The following TNKS variants were observed in gnomAD, a reference collection of about 807,000 sequenced individuals.
TNKS encodes the protein tankyrase, also known as poly [ADP-ribose] polymerase tankyrase-1.
Under a neutral mutation model 135.8 loss-of-function variants are expected in TNKS, and 72 were observed. That is an observed-to-expected ratio of 0.53 (90% CI 0.44 to 0.64). TNKS has a LOEUF of 0.64. TNKS is among the 30% of genes least tolerant of loss of function. The pLI is 0.00. For missense variants in TNKS, 1,769 were observed against 1,674.0 expected, an observed-to-expected ratio of 1.06 and a Z score of -0.99; for synonymous variants, 849 against 649.3, an observed-to-expected ratio of 1.31 and a Z score of -4.68.
In TNKS at chr8:9,623,959, G is replaced by A. The variant is rs549345582; in HGVS notation, c.994+8282G>A. On this transcript the variant is annotated intron_variant, in intron 3 of 26. Transcript: ENST00000310430. ...AGAAGTTGCAGTGAACCGAGATCAT[G>A]CCACTGTACTCCAGTCTGGGTGACA... 5.3e-5 allele frequency among the ~76,000 whole-genome samples: 8 copies of A among 152,220 alleles called. No individual in the cohort carries two copies. In the East Asian group the frequency reaches 1.5e-3, roughly 29 times the overall value.
chr8:9,615,510 C>G lies in TNKS; in HGVS notation c.899-72C>G. The G allele has an allele frequency of 3.1e-6, 4 of 1,282,454 alleles. No individual in the cohort carries two copies. In the Admixed American group the frequency reaches 8.9e-5, roughly 28 times the overall value. The allele number at this position is 1,282,454 out of a possible 1,614,324, so 79.4% of individuals were successfully genotyped here. On this transcript the variant is annotated intron_variant, in intron 2 of 26. Coordinates refer to ENST00000310430, the MANE Select transcript of TNKS (RefSeq NM_003747.3). ...ATGTATGTTTATGCCTACACCATGCCGAGACGACACTTACCAGTAAATAAT... is the reference window on the plus strand; with the variant it reads ...ATGTATGTTTATGCCTACACCATGCGGAGACGACACTTACCAGTAAATAAT...
chr8:9,665,426 C>T (rs1466986225), intron 3 of TNKS, among the ~76,000 whole-genome samples: 1 of 152,190 alleles, frequency 6.6e-6, no homozygotes, highest in African/African-American at 2.4e-5. Context: ...TTTACTTTTT[C>T]TGTTTTTTAT....
At position 9,779,265 on chromosome 8, in the gene TNKS, CT is replaced by C. The variant is rs1808365149; in HGVS notation, c.*2530del. 1 of 152,602 alleles carries C rather than the reference CT, an allele frequency of 6.6e-6. No individual in the cohort carries two copies. The highest frequency in any genetic ancestry group is 1.5e-5 in the Non-Finnish European group (1 of 68,026). 9.5% of individuals were successfully genotyped at this position (152,602 alleles called of 1,614,324 possible). ...AGTTTATTACATTTGGGATTTTCAT[CT>C]GTAGCCGTATGAAGAACCCTTTCCA... is the stretch of plus-strand genomic sequence containing the variant. On this transcript the variant is annotated 3_prime_UTR_variant, in exon 27 of 27. Coordinates refer to ENST00000310430, the MANE Select transcript of TNKS (RefSeq NM_003747.3).
In TNKS at chr8:9,748,103, A is replaced by G; in HGVS notation, c.2723A>G (p.His908Arg). 6.2e-7 allele frequency: 1 copy of G among 1,614,194 alleles called. No homozygotes were observed. The highest frequency in any genetic ancestry group is 8.5e-7 in the Non-Finnish European group (1 of 1,180,036). The change falls in exon 18 of 27, where the codon CAT becomes CGT. Residue 908 changes from histidine to arginine, a missense_variant. Transcript: ENST00000310430. ...ATDKWAFTPL[H>R]EAAQKGRTQL... is the part of the protein sequence containing the mutation. Reference sequence around the variant, plus strand: ...GATAAGTGGGCGTTTACTCCCCTCCATGAAGCAGCCCAGAAAGGAAGGACG... The same window carrying G: ...GATAAGTGGGCGTTTACTCCCCTCCGTGAAGCAGCCCAGAAAGGAAGGACG...
At chr8:9,558,636 T>G (rs1224780779) in intron 1 of TNKS, 1 of 152,208 alleles carries the variant, frequency 6.6e-6, no homozygotes, top group African/African-American at 2.4e-5. Context: ...TCACGTGTCT[T>G]CTATTTGCCA....
chr8:9,580,859 G>C (rs1798138371), intron 2 of TNKS, among the ~76,000 whole-genome samples: 1 of 152,112 alleles, frequency 6.6e-6, no homozygotes, highest in South Asian at 2.1e-4. Flanking sequence ...ATGTGCCATA[G>C]TCTAGAGAAA....
chr8:9,733,865 G>A (rs1052365272), intron 15 of TNKS, among the ~76,000 whole-genome samples: 5 of 151,924 alleles, frequency 3.3e-5, no homozygotes, highest in African/African-American at 1.2e-4. Flanking sequence ...AGAACTTATT[G>A]TAGTATCAGA....
chr8:9,770,338 G>T lies in TNKS; in HGVS notation c.3897+76G>T, dbSNP rs116527332. The T allele has an allele frequency of 5.7e-4, 826 of 1,442,676 alleles. 7 individuals are homozygous for T. In the African/African-American group the frequency reaches 0.01, roughly 18 times the overall value. 89.4% of individuals were successfully genotyped at this position (1,442,676 alleles called of 1,614,324 possible). ...AGCACAGAGACCGTGTAAGACTTGAGACACTTTTCAGTGAAATATCCACCA... is the reference window on the plus strand; with the variant it reads ...AGCACAGAGACCGTGTAAGACTTGATACACTTTTCAGTGAAATATCCACCA... On this transcript the variant is annotated intron_variant, in intron 26 of 26. Coordinates refer to ENST00000310430, the MANE Select transcript of TNKS (RefSeq NM_003747.3).
At chr8:9,672,019 A>G (rs1219277485) in intron 3 of TNKS, among the ~76,000 whole-genome samples, 1 of 152,178 alleles carries the variant, frequency 6.6e-6, no homozygotes, top group East Asian at 1.9e-4. Context: ...TCTGCCCGTT[A>G]GGCACTTCGT....
At chr8:9,767,865 A>T (rs1253359133) in intron 25 of TNKS, among the ~76,000 whole-genome samples, 1 of 151,178 alleles carries the variant, frequency 6.6e-6, no homozygotes, top group Non-Finnish European at 1.5e-5. Context: ...AGGCTGAGGC[A>T]GGAGAATGGT....
intron 2 of TNKS, among the ~76,000 whole-genome samples, chr8:9,600,733 A>T (rs982451397): frequency 6.6e-6 from 1 of 152,230 alleles, no homozygotes; most frequent in Non-Finnish European, 1.5e-5. Context: ...TGTTCCAAGT[A>T]TGCTAGTCCC....
At chr8:9,755,832 A>G (rs1487643896) in intron 20 of TNKS, among the ~76,000 whole-genome samples, 1 of 152,214 alleles carries the variant, frequency 6.6e-6, no homozygotes, top group Non-Finnish European at 1.5e-5. Context: ...TTCTGGTCCC[A>G]GAAGAAAACC....
intron 2 of TNKS, among the ~76,000 whole-genome samples, chr8:9,598,793 A>ATG (rs1474115403): frequency 3.2e-4 from 28 of 86,458 alleles, no homozygotes; most frequent in East Asian, 1.4e-3. Flanking sequence ...ATATATATAT[A>ATG]TATATATATA....
intron 3 of TNKS, among the ~76,000 whole-genome samples, chr8:9,657,774 G>A: frequency 6.7e-6 from 1 of 148,792 alleles, no homozygotes; most frequent in Middle Eastern, 3.5e-3. Flanking sequence ...TGGCCGGGCA[G>A]GGGGCTGACC....
At chr8:9,620,774 G>A (rs1279035444) in intron 3 of TNKS, among the ~76,000 whole-genome samples, 4 of 152,132 alleles carry the variant, frequency 2.6e-5, no homozygotes, top group East Asian at 1.9e-4. Flanking sequence ...CCTCAAAGAC[G>A]GCTTCTTGTC....
chr8:9,684,407 A>T (rs1001271511), intron 5 of TNKS, among the ~76,000 whole-genome samples: 3 of 152,056 alleles, frequency 2.0e-5, no homozygotes, highest in African/African-American at 7.2e-5. Flanking sequence ...ATATTTGAAT[A>T]AAATTAGTCC....
chr8:9,745,176 G>A (rs1022907742), intron 17 of TNKS, among the ~76,000 whole-genome samples: 34 of 152,128 alleles, frequency 2.2e-4, no homozygotes, highest in African/African-American at 8.2e-4. Context: ...TATAGCCTTT[G>A]AATAAGGGAG....
intron 2 of TNKS, among the ~76,000 whole-genome samples, chr8:9,596,286 T>C (rs1798783836): frequency 6.6e-6 from 1 of 152,186 alleles, no homozygotes; most frequent in African/African-American, 2.4e-5. Flanking sequence ...TCATATATTA[T>C]TAGAAGTATG....
At chr8:9,734,632 C>G (rs1325470005) in intron 15 of TNKS, among the ~76,000 whole-genome samples, 1 of 152,198 alleles carries the variant, frequency 6.6e-6, no homozygotes, top group Non-Finnish European at 1.5e-5. Flanking sequence ...ACTTAACACT[C>G]TCCCTACTTT....
Sources: allele counts gnomAD v4.1 joint callset (sites outside exome capture counted in the v4.1 genomes callset), GRCh38; gene constraint gnomAD v4.1.1; transcripts MANE v1.5; gene names NCBI Gene and HGNC (gene_info 2026-07-23, HGNC 2026-07-21).